Variants in GNB5 observed in about 807,000 individuals in gnomAD.
The protein encoded by GNB5 is guanine nucleotide-binding protein subunit beta-5.
A neutral mutation model predicts 55.3 loss-of-function variants in GNB5; 37 were observed. That is an observed-to-expected ratio of 0.67 (90% confidence interval 0.51 to 0.88). The LOEUF (loss-of-function observed/expected upper bound fraction) is 0.88. GNB5 is among the 40% of genes least tolerant of loss of function. The pLI is 0.00. For synonymous variants in GNB5, 219 were observed against 198.5 expected, an observed-to-expected ratio of 1.10 and a Z score of -0.87; for missense variants, 476 against 515.3, an observed-to-expected ratio of 0.92 and a Z score of 0.74.
chr15:52,182,230 C>T (rs2141242208), intron 2 of GNB5, among the ~76,000 whole-genome samples: 1 of 152,336 alleles, frequency 6.6e-6, no homozygotes, highest in South Asian at 2.1e-4. Flanking sequence ...TTGAGCAGTT[C>T]ACATGAGGTA....
rs550282697 is a variant in GNB5 at position 52,115,631 on chromosome 15, T to C, written c.*7126A>G. Reference sequence around the variant, plus strand: ...AATGTGACAATATTGGTCTTACCTATGTGGTTTCTGTTTTATTGAGAATAG... The same window carrying C: ...AATGTGACAATATTGGTCTTACCTACGTGGTTTCTGTTTTATTGAGAATAG... On this transcript the variant is annotated 3_prime_UTR_variant, in exon 13 of 13. Coordinates refer to ENST00000261837, the MANE Select transcript of GNB5 (RefSeq NM_016194.4). The C allele has an allele frequency of 5.2e-5, 8 of 152,394 alleles. No homozygotes were observed. Among genetic ancestry groups the C allele is most frequent in the African/African-American group, 1.7e-4 (7 of 41,598 alleles). 9.4% of individuals were successfully genotyped at this position (152,394 alleles called of 1,614,324 possible). A position where few individuals can be genotyped will look rare whatever the true frequency, so the allele number is the denominator to read the frequency against.
chr15:52,155,932 T>C (rs2034199077), intron 3 of GNB5, among the ~76,000 whole-genome samples: 1 of 152,158 alleles, frequency 6.6e-6, no homozygotes, highest in Non-Finnish European at 1.5e-5. Flanking sequence ...TATGTAAACA[T>C]GTTACCCCTC....
chr15:52,156,638 G>A (rs1451494461), intron 3 of GNB5, among the ~76,000 whole-genome samples: 2 of 152,154 alleles, frequency 1.3e-5, no homozygotes, highest in African/African-American at 4.8e-5. Context: ...GGCCGAGGTG[G>A]GAGAACTGCT....
Position 52,122,669 on chromosome 15 carries a change from A to T in GNB5, c.*88T>A, listed in dbSNP as rs957744121. 9.2e-7 allele frequency: 1 copy of T among 1,089,598 alleles called. No homozygotes were observed. Among genetic ancestry groups the T allele is most frequent in the African/African-American group, 1.5e-5 (1 of 64,846 alleles). The allele number at this position is 1,089,598 out of a possible 1,614,324, so 67.5% of individuals were successfully genotyped here. ...TTGCTCCCCTAAGCTACACTGCAAT[A>T]AACTCTAAGCTCCTCTAGAAGTAAT... On this transcript the variant is annotated 3_prime_UTR_variant, in exon 13 of 13. Coordinates refer to ENST00000261837, the MANE Select transcript of GNB5 (RefSeq NM_016194.4).
At chr15:52,141,429 CT>C (rs769717839) in intron 6 of GNB5, among the ~76,000 whole-genome samples, 157 bp from the exon 7 acceptor site, 3 of 151,230 alleles carry the variant, frequency 2.0e-5, no homozygotes, top group Non-Finnish European at 4.4e-5. Flanking sequence ...TCTTTTCTTT[CT>C]TTCTTTTTTT....
At position 52,117,102 on chromosome 15, in the gene GNB5, A is replaced by ATATTTTTTTT; in HGVS notation, c.*5654_*5655insAAAAAAAATA. ...CCACGCCCAGCTAATATATATATAT[A>ATATTTTTTTT]TTTTTTTTTAGTACAGACAGGGTTT... On this transcript the variant is annotated 3_prime_UTR_variant, in exon 13 of 13. Transcript: ENST00000261837. 10 of 87,100 alleles carry ATATTTTTTTT rather than the reference A, an allele frequency of 1.1e-4. No individual in the cohort carries two copies. The highest frequency in any genetic ancestry group is 4.9e-4 in the African/African-American group (8 of 16,446). The allele number at this position is 87,100 out of a possible 1,614,324, so 5.4% of individuals were successfully genotyped here.
intron 1 of GNB5, among the ~76,000 whole-genome samples, chr15:52,189,846 G>A (rs1195113154): frequency 2.6e-5 from 4 of 152,142 alleles, no homozygotes; most frequent in African/African-American, 9.7e-5. Context: ...TTATTTATAT[G>A]AAGTGTACAG....
At chr15:52,144,097 C>T (rs1256804625) in intron 6 of GNB5, 1 of 152,284 alleles carries the variant, frequency 6.6e-6, no homozygotes, top group Admixed American at 6.5e-5. Context: ...ACTCTGAATT[C>T]TGTTCTGCAC....
chr15:52,140,757 A>G (rs375286266), intron 7 of GNB5, among the ~76,000 whole-genome samples: 111 of 152,234 alleles, frequency 7.3e-4, no homozygotes, highest in Non-Finnish European at 1.0e-3. Flanking sequence ...ACAGGACTGT[A>G]AAGTGAGATG....
At chr15:52,167,246 G>T (rs570608324) in intron 3 of GNB5, among the ~76,000 whole-genome samples, 6 of 152,110 alleles carry the variant, frequency 3.9e-5, no homozygotes, top group Non-Finnish European at 8.8e-5. Flanking sequence ...TTTACCAGAG[G>T]TACAAAGAGG....
At chr15:52,130,606 TTC>T (rs1432326658) in intron 9 of GNB5, among the ~76,000 whole-genome samples, 1 of 152,232 alleles carries the variant, frequency 6.6e-6, no homozygotes, top group Non-Finnish European at 1.5e-5. Context: ...CCATAACATT[TTC>T]TCTCTGTCTC....
chr15:52,185,753 T>TTTTTA lies in GNB5; in HGVS notation c.-18-1060_-18-1059insTAAAA, dbSNP rs1555409559. 4.1e-3 allele frequency among the ~76,000 whole-genome samples: 566 copies of TTTTTA among 136,704 alleles called. 5 individuals carry two copies. Among genetic ancestry groups the TTTTTA allele is most frequent in the African/African-American group, 0.014 (519 of 37,210 alleles). 89.7% of individuals were successfully genotyped at this position (136,704 alleles called of 152,430 possible). ...CCACTTTGAGCTGTGTATTCATCTT[T>TTTTTA]TTATTATTATTATTATTATTATTAT... is the stretch of plus-strand genomic sequence containing the variant. On this transcript the variant is annotated intron_variant, in intron 1 of 12. Coordinates refer to ENST00000261837, the MANE Select transcript of GNB5 (RefSeq NM_016194.4).
At chr15:52,135,234 G>T (rs2033673696) in intron 8 of GNB5, among the ~76,000 whole-genome samples, 1 of 152,086 alleles carries the variant, frequency 6.6e-6, no homozygotes, top group Non-Finnish European at 1.5e-5. Context: ...GCCCTTGTGC[G>T]CATCTCTGAT....
At chr15:52,146,821 G>T (rs1474930921) in intron 6 of GNB5, among the ~76,000 whole-genome samples, 1 of 145,616 alleles carries the variant, frequency 6.9e-6, no homozygotes, top group Non-Finnish European at 1.5e-5. Context: ...GGGCTCAAGT[G>T]ATCCTCCTGC....
At chr15:52,155,049 G>A (rs1021732246) in intron 3 of GNB5, among the ~76,000 whole-genome samples, 4 of 152,178 alleles carry the variant, frequency 2.6e-5, no homozygotes, top group African/African-American at 7.2e-5. Context: ...AGGGGAGGAC[G>A]CCAAGGTCTG....
chr15:52,170,390 G>T (rs1255382682), intron 3 of GNB5, among the ~76,000 whole-genome samples: 1 of 152,172 alleles, frequency 6.6e-6, no homozygotes, highest in Non-Finnish European at 1.5e-5. Context: ...CCATAAAAAG[G>T]AATGAAATAA....
At chr15:52,151,835 G>C (rs1269771695) in intron 4 of GNB5, among the ~76,000 whole-genome samples, 1 of 152,114 alleles carries the variant, frequency 6.6e-6, no homozygotes, top group African/African-American at 2.4e-5. Context: ...GCAGGGCAAG[G>C]TGGCTCACAT....
At chr15:52,172,738 C>T (rs987931571) in intron 3 of GNB5, among the ~76,000 whole-genome samples, 1 of 152,088 alleles carries the variant, frequency 6.6e-6, no homozygotes, top group African/African-American at 2.4e-5. Flanking sequence ...TGTACTCCAG[C>T]CTGTGTGACA....
chr15:52,170,914 T>A (rs1161665507), intron 3 of GNB5, among the ~76,000 whole-genome samples: 2 of 150,646 alleles, frequency 1.3e-5, no homozygotes, highest in East Asian at 3.9e-4. Flanking sequence ...GAGACCAGCC[T>A]GGACAACATG....
Sources: gnomAD v4.1 joint callset for allele counts (sites outside exome capture counted in the v4.1 genomes callset) on GRCh38, gnomAD v4.1.1 for gene constraint, MANE v1.5 for transcripts, NCBI Gene and HGNC (gene_info 2026-07-23, HGNC 2026-07-21) for gene names.